The following FAM83D variants were observed in gnomAD, a reference collection of about 807,000 sequenced individuals.
The protein encoded by FAM83D is scaffolding CK1 anchoring protein D.
Under a neutral mutation model 25.4 loss-of-function variants are expected in FAM83D, and 26 were observed. That is an observed-to-expected ratio of 1.02 (90% CI 0.75 to 1.42). The LOEUF is 1.42. FAM83D is among the 40% of genes most tolerant of loss of function. The probability of loss-of-function intolerance (pLI) is 0.00; values close to 1 mark genes in which losing one functional copy is unlikely to be tolerated. For missense variants in FAM83D, 740 were observed against 758.1 expected, an observed-to-expected ratio of 0.98 and a Z score of 0.28; for synonymous variants, 310 against 318.5, an observed-to-expected ratio of 0.97 and a Z score of 0.28.
chr20:38,942,400 C>T (rs1422312753), intron 2 of FAM83D, among the ~76,000 whole-genome samples: 1 of 152,166 alleles, frequency 6.6e-6, no homozygotes, highest in Admixed American at 6.5e-5. Context: ...AGAGTGGAAA[C>T]AATCCAATGC....
chr20:38,929,300 G>C (rs2085649382), intron 1 of FAM83D, among the ~76,000 whole-genome samples: 1 of 152,330 alleles, frequency 6.6e-6, no homozygotes, highest in South Asian at 2.1e-4. Context: ...ACAGGGGAAG[G>C]CATCATCCTT....
At chr20:38,934,868 T>C (rs1281464865) in intron 1 of FAM83D, among the ~76,000 whole-genome samples, 1 of 152,200 alleles carries the variant, frequency 6.6e-6, no homozygotes, top group Non-Finnish European at 1.5e-5. Context: ...TATTAAAATT[T>C]ATATGGATTA....
chr20:38,939,842 T>C (rs2085694107), intron 1 of FAM83D, among the ~76,000 whole-genome samples: 1 of 152,182 alleles, frequency 6.6e-6, no homozygotes, highest in Non-Finnish European at 1.5e-5. Context: ...TTGCCCTCCC[T>C]GTGCTAAGCC....
At chr20:38,932,786 C>G (rs548872193) in intron 1 of FAM83D, among the ~76,000 whole-genome samples, 1 of 152,218 alleles carries the variant, frequency 6.6e-6, no homozygotes, top group Non-Finnish European at 1.5e-5. Context: ...GGTACCACCA[C>G]GAGGTTCCAA....
At chr20:38,928,721 G>C (rs2085646847) in intron 1 of FAM83D, among the ~76,000 whole-genome samples, 1 of 152,188 alleles carries the variant, frequency 6.6e-6, no homozygotes, top group Admixed American at 6.5e-5. Context: ...GGAGGGGATG[G>C]AGCCAGGAGC....
intron 1 of FAM83D, among the ~76,000 whole-genome samples, chr20:38,936,302 C>G (rs1208210538): frequency 6.6e-6 from 1 of 152,104 alleles, no homozygotes; most frequent in Non-Finnish European, 1.5e-5. Flanking sequence ...CTAGACCTGC[C>G]CATTGAGTGT....
At chr20:38,935,502 G>C (rs2085675046) in intron 1 of FAM83D, among the ~76,000 whole-genome samples, 1 of 152,180 alleles carries the variant, frequency 6.6e-6, no homozygotes. Context: ...GAGTGCAGTG[G>C]TGCAATCATG....
chr20:38,932,733 C>T (rs560131214), intron 1 of FAM83D, among the ~76,000 whole-genome samples: 8 of 152,254 alleles, frequency 5.3e-5, no homozygotes, highest in South Asian at 4.1e-4. Flanking sequence ...ATTGGCTGTC[C>T]GGCTATTCCT....
chr20:38,926,834 T>TC lies in FAM83D; in HGVS notation c.393dup (p.Glu132ArgfsTer83), dbSNP rs1568693906. 1 of 1,533,880 alleles carries TC rather than the reference T, an allele frequency of 6.5e-7. No homozygotes were observed. The highest frequency in any genetic ancestry group is 1.4e-5 in the African/African-American group (1 of 72,570). On this transcript the variant is annotated frameshift_variant, in exon 1 of 4. Transcript: ENST00000619850. LOFTEE classifies it high-confidence loss of function. Reference sequence around the variant, plus strand: ...GGCGCCTACCGCGGCGCCACGCGTGTCGAGACGCACTTCCAGCCCCGCGGC... The same window carrying TC: ...GGCGCCTACCGCGGCGCCACGCGTGTCCGAGACGCACTTCCAGCCCCGCGGC...
At chr20:38,928,255 A>G (rs909102987) in intron 1 of FAM83D, among the ~76,000 whole-genome samples, 1 of 152,222 alleles carries the variant, frequency 6.6e-6, no homozygotes, top group South Asian at 2.1e-4. Flanking sequence ...GTGTGGGTGA[A>G]GATACCAGTG....
At chr20:38,938,895 G>A (rs1198548862) in intron 1 of FAM83D, among the ~76,000 whole-genome samples, 1 of 152,098 alleles carries the variant, frequency 6.6e-6, no homozygotes, top group African/African-American at 2.4e-5. Context: ...GAGGAGGTGG[G>A]CCCAGATCTC....
chr20:38,942,199 C>T, intron 2 of FAM83D, 73 bp downstream of exon 2: 1 of 1,519,484 alleles, frequency 6.6e-7, no homozygotes, highest in African/African-American at 1.4e-5. Context: ...TACAAGCTGG[C>T]TGGTGGCGGT....
At chr20:38,934,448 G>C (rs1461673947) in intron 1 of FAM83D, among the ~76,000 whole-genome samples, 1 of 148,094 alleles carries the variant, frequency 6.8e-6, no homozygotes, top group African/African-American at 2.5e-5. Flanking sequence ...AGCCAAGATC[G>C]TGCCATTGCA....
In FAM83D at chr20:38,926,456, C is replaced by A. The variant is rs766046202; in HGVS notation, c.14C>A (p.Ser5Tyr). 1 of 1,598,858 alleles carries A rather than the reference C, an allele frequency of 6.3e-7. No homozygotes were observed. Among genetic ancestry groups the A allele is most frequent in the Non-Finnish European group, 8.5e-7 (1 of 1,178,988 alleles). MALLSEGLDEVPAAC... is the reference protein window; with the variant it reads MALLYEGLDEVPAAC... ...CCGAGCGCCGCCATGGCTCTGCTGT[C>A]CGAGGGCCTGGACGAGGTGCCCGCC... Residue 5 changes from serine (S) to tyrosine (Y), a missense_variant, in exon 1 of 4, where the codon TCC (serine) becomes TAC (tyrosine). Coordinates refer to ENST00000619850, the MANE Select transcript of FAM83D (RefSeq NM_030919.3).
intron 1 of FAM83D, among the ~76,000 whole-genome samples, chr20:38,934,723 A>G (rs2085671721): frequency 6.6e-6 from 1 of 152,220 alleles, no homozygotes; most frequent in African/African-American, 2.4e-5. Flanking sequence ...TCGTCAGTAG[A>G]GGATGAGTTC....
At chr20:38,942,154 C>T in intron 2 of FAM83D, 28 bp downstream of exon 2, 1 of 1,611,238 alleles carries the variant, frequency 6.2e-7, no homozygotes, top group African/African-American at 1.3e-5. Context: ...TCCAGTTTCA[C>T]CATAGTCAAC....
intron 2 of FAM83D, among the ~76,000 whole-genome samples, chr20:38,944,662 G>A (rs539591524): frequency 5.9e-5 from 9 of 152,270 alleles, no homozygotes; most frequent in African/African-American, 2.2e-4. Flanking sequence ...ATTTCTGGCC[G>A]GGCGCGGTGG....
At chr20:38,943,055 C>A (rs2085710013) in intron 2 of FAM83D, among the ~76,000 whole-genome samples, 1 of 149,620 alleles carries the variant, frequency 6.7e-6, no homozygotes. Context: ...GATAGAGTCT[C>A]ACTCTGTTGC....
intron 2 of FAM83D, among the ~76,000 whole-genome samples, chr20:38,945,612 T>TGGTCCAGGATCCAATCC (rs1335990368): frequency 1.3e-5 from 2 of 152,160 alleles, no homozygotes; most frequent in African/African-American, 4.8e-5. Context: ...CCCTTTTTTA[T>TGGTCCAGGATCCAATCC]GGTCCAGGAT....
Sources: allele counts gnomAD v4.1 joint callset (sites outside exome capture counted in the v4.1 genomes callset), GRCh38; gene constraint gnomAD v4.1.1; transcripts MANE v1.5; gene names NCBI Gene and HGNC (gene_info 2026-07-23, HGNC 2026-07-21).